The following TP63 variants were observed in gnomAD, a reference collection of about 807,000 sequenced individuals.
TP63 encodes the protein tumor protein p63.
Under a neutral mutation model 82.8 loss-of-function variants are expected in TP63, and 17 were observed. That is an observed-to-expected ratio of 0.21 (90% CI 0.14 to 0.31). The LOEUF is 0.31. Among genes scored for constraint, TP63 ranks in the 10% least tolerant of loss-of-function variants. The probability of loss-of-function intolerance (pLI) is 1.00; values close to 1 mark genes in which losing one functional copy is unlikely to be tolerated. For synonymous variants in TP63, 330 were observed against 321.7 expected, an observed-to-expected ratio of 1.03 and a Z score of -0.28; for missense variants, 648 against 895.3, an observed-to-expected ratio of 0.72 and a Z score of 3.52.
chr3:189,726,404 A>C (rs1719780692), intron 1 of TP63, among the ~76,000 whole-genome samples: 1 of 152,166 alleles, frequency 6.6e-6, no homozygotes, highest in South Asian at 2.1e-4. Flanking sequence ...CAAAACAGGA[A>C]GTTCCTAAGG....
intron 12 of TP63, 88 bp from the exon 13 acceptor site, chr3:189,890,701 A>T (rs1720928157): frequency 4.0e-6 from 5 of 1,254,936 alleles, no homozygotes; most frequent in Non-Finnish European, 5.8e-6. Context: ...AGGGCAAAAT[A>T]TATTGGGTTT....
chr3:189,856,826 A>C (rs1056092319), intron 4 of TP63, among the ~76,000 whole-genome samples: 1 of 152,104 alleles, frequency 6.6e-6, no homozygotes, highest in African/African-American at 2.4e-5. Flanking sequence ...AAATAGGTAC[A>C]GTATTTATAC....
At chr3:189,802,300 C>T (rs77561109) in intron 3 of TP63, among the ~76,000 whole-genome samples, 4 of 152,124 alleles carry the variant, frequency 2.6e-5, no homozygotes, top group Non-Finnish European at 5.9e-5. Context: ...CATAAAAGCA[C>T]CTCCGTGAAG....
rs1395202051 is a variant in TP63, at chr3:189,767,286, GA to G, written c.324+28521del. Among the ~76,000 whole-genome samples the G allele has an allele frequency of 2.7e-5, 4 of 149,620 alleles. No homozygotes were observed. In the South Asian group the frequency reaches 8.5e-4, roughly 32 times the overall value. On this transcript the variant is annotated intron_variant, in intron 3 of 13. Coordinates refer to ENST00000264731, the MANE Select transcript of TP63 (RefSeq NM_003722.5). ...TCTCATCCAGCAGTTCTACATGAAA[GA>G]AAAAAAAACATGAACAGTAATAACT...
intron 13 of TP63, among the ~76,000 whole-genome samples, chr3:189,892,067 G>T (rs967991243): frequency 6.6e-6 from 1 of 152,092 alleles, no homozygotes; most frequent in African/African-American, 2.4e-5. Flanking sequence ...AGCAAAAACT[G>T]CAGGGAAAGC....
intron 4 of TP63, among the ~76,000 whole-genome samples, chr3:189,848,272 T>TCTCTCTCTCTCTCTCTCTCTCTCTCTC (rs1279828077): frequency 2.7e-5 from 4 of 148,684 alleles, no homozygotes; most frequent in African/African-American, 7.5e-5. Flanking sequence ...TCTCTCTCTG[T>TCTCTCTCTCTCTCTCTCTCTCTCTCTC]TGCCTAGGCT....
chr3:189,840,356 CGTCTTTTTTT>C (rs769935892), intron 4 of TP63, among the ~76,000 whole-genome samples: 30 of 26,222 alleles, frequency 1.1e-3, no homozygotes, highest in Non-Finnish European at 2.2e-3. Flanking sequence ...TTTTGCTTTT[CGTCTTTTTTT>C]TTTTTTTTTT....
chr3:189,825,946 C>T (rs1729305900), intron 4 of TP63, among the ~76,000 whole-genome samples: 1 of 152,150 alleles, frequency 6.6e-6, no homozygotes. Context: ...CCCTCCTTCT[C>T]TCTCTCCCCC....
At chr3:189,596,913 A>G in the TP63 span, among the ~76,000 whole-genome samples, 38 of 152,224 alleles carry the variant, frequency 2.5e-4, no homozygotes, top group East Asian at 6.4e-3. Flanking sequence ...CCAGGAGTCC[A>G]CTGGGAGGAA....
chr3:189,860,319 G>T (rs1362603093), intron 4 of TP63, among the ~76,000 whole-genome samples: 2 of 152,090 alleles, frequency 1.3e-5, no homozygotes, highest in African/African-American at 2.4e-5. Flanking sequence ...TTAAAATCTT[G>T]CTGTAAATCA....
At chr3:189,845,337 C>T (rs59470299) in intron 4 of TP63, among the ~76,000 whole-genome samples, 2,146 of 152,266 alleles carry the variant, frequency 0.014, 46 homozygotes, top group African/African-American at 0.047. Context: ...TTGATAGGTT[C>T]TTGGTAAACT....
At chr3:189,719,575 T>A (rs1456741457) in intron 1 of TP63, among the ~76,000 whole-genome samples, 1 of 152,176 alleles carries the variant, frequency 6.6e-6, no homozygotes, top group African/African-American at 2.4e-5. Context: ...AAAATCAGAT[T>A]GAATATTTTC....
intron 1 of TP63, 35 bp downstream of exon 1, chr3:189,631,612 T>G (rs749585422): frequency 6.2e-7 from 1 of 1,612,252 alleles, no homozygotes; most frequent in South Asian, 1.1e-5. Flanking sequence ...CTCTCAAAAC[T>G]TAATTGAAGT....
intron 4 of TP63, among the ~76,000 whole-genome samples, chr3:189,849,666 T>C (rs910626856): frequency 1.3e-5 from 2 of 152,140 alleles, no homozygotes. Flanking sequence ...ATTTTAGAAA[T>C]TATTTTTTTT....
At chr3:189,776,299 C>T (rs2108567734) in intron 3 of TP63, among the ~76,000 whole-genome samples, 1 of 152,258 alleles carries the variant, frequency 6.6e-6, no homozygotes, top group African/African-American at 2.4e-5. Context: ...TCGTTTTCAT[C>T]CCTTATCTTT....
intron 3 of TP63, 104 bp from the exon 4 acceptor site, chr3:189,808,168 T>G: frequency 6.3e-7 from 1 of 1,592,826 alleles, no homozygotes. Flanking sequence ...GCTTCCGACG[T>G]GAGGTCCATC....
At chr3:189,703,102 G>A (rs894457121) in intron 1 of TP63, among the ~76,000 whole-genome samples, 2 of 152,126 alleles carry the variant, frequency 1.3e-5, no homozygotes, top group African/African-American at 2.4e-5. Context: ...AATCAGAACT[G>A]GGATCAGGGT....
chr3:189,826,831 A>AT lies in TP63; in HGVS notation c.579+18306dup, dbSNP rs146334843. On this transcript the variant is annotated intron_variant, in intron 4 of 13. Transcript: ENST00000264731. ...TTGTTGAGGCTTAGTTGAAGGCCCC[A>AT]TACTATGAGGTCTCAAATGTTAGAG... 1.3e-3 allele frequency among the ~76,000 whole-genome samples: 202 copies of AT among 152,330 alleles called. 1 individual carries two copies. The highest frequency in any genetic ancestry group is 4.6e-3 in the African/African-American group (192 of 41,576).
chr3:189,614,866 G>A, the TP63 span, among the ~76,000 whole-genome samples: 69 of 152,258 alleles, frequency 4.5e-4, no homozygotes, highest in Middle Eastern at 3.4e-3. Context: ...CTGGACACTG[G>A]AAAGTCAGCT....
Sources: allele counts gnomAD v4.1 joint callset (sites outside exome capture counted in the v4.1 genomes callset), GRCh38; gene constraint gnomAD v4.1.1; transcripts MANE v1.5; gene names NCBI Gene and HGNC (gene_info 2026-07-23, HGNC 2026-07-21).